Variants in UBE2H observed in about 807,000 individuals in gnomAD.
UBE2H encodes the protein ubiquitin conjugating enzyme E2 H, also known as ubiquitin-conjugating enzyme E2 H.
A neutral mutation model predicts 29.0 loss-of-function variants in UBE2H; 3 were observed. The observed-to-expected ratio is 0.10, with a 90% CI of 0.05 to 0.27. The LOEUF (loss-of-function observed/expected upper bound fraction) is 0.27. UBE2H is among the 10% of genes least tolerant of loss of function. UBE2H has a pLI of 1.00. For missense variants in UBE2H, 68 were observed against 228.2 expected (o/e 0.30, Z 4.52); for synonymous variants, 69 against 82.9 (o/e 0.83, Z 0.91).
At chr7:129,880,244 T>C (rs776052287) in intron 2 of UBE2H, among the ~76,000 whole-genome samples, 9 of 152,190 alleles carry the variant, frequency 5.9e-5, no homozygotes, top group Admixed American at 1.3e-4. Flanking sequence ...GTGGGGCTCA[T>C]GCCTGTAATC....
chr7:129,838,620 T>C (rs1805371815), intron 6 of UBE2H, among the ~76,000 whole-genome samples: 1 of 152,154 alleles, frequency 6.6e-6, no homozygotes, highest in Admixed American at 6.6e-5. Context: ...GAAAATCCAA[T>C]GAACCCAGGT....
chr7:129,949,779 A>G (rs991777401), intron 1 of UBE2H, among the ~76,000 whole-genome samples: 14 of 152,176 alleles, frequency 9.2e-5, no homozygotes, highest in Middle Eastern at 6.8e-3. Flanking sequence ...TTCCTACTAT[A>G]TAGGTTCCCT....
intron 1 of UBE2H, among the ~76,000 whole-genome samples, chr7:129,889,034 T>C (rs1200668873): frequency 1.3e-5 from 2 of 152,182 alleles, no homozygotes; most frequent in Non-Finnish European, 2.9e-5. Flanking sequence ...AGATTTAGTA[T>C]AGAACTGATT....
intron 1 of UBE2H, among the ~76,000 whole-genome samples, chr7:129,924,507 A>G (rs1386284799): frequency 6.6e-6 from 1 of 152,170 alleles, no homozygotes; most frequent in Non-Finnish European, 1.5e-5. Flanking sequence ...ATTTCTCTGC[A>G]AAGAGAATAA....
At position 129,832,687 on chromosome 7, in the gene UBE2H, C is replaced by A. The variant is rs554928328; in HGVS notation, c.*2250G>T. The A allele has an allele frequency of 7.9e-5, 12 of 152,228 alleles. No individual in the cohort carries two copies. The highest frequency in any genetic ancestry group is 2.9e-4 in the African/African-American group (12 of 41,522). 9.4% of individuals were successfully genotyped at this position (152,228 alleles called of 1,614,324 possible). On this transcript the variant is annotated 3_prime_UTR_variant, in exon 7 of 7. Transcript: ENST00000355621. Reference sequence around the variant, plus strand: ...CAGAGTCATGGCACTGCTCACACACCTTCCCGAAACTGGGGTCTATTCAGT... The same window carrying A: ...CAGAGTCATGGCACTGCTCACACACATTCCCGAAACTGGGGTCTATTCAGT...
chr7:129,890,275 G>A (rs1020272042), intron 1 of UBE2H, among the ~76,000 whole-genome samples: 3 of 150,310 alleles, frequency 2.0e-5, no homozygotes, highest in Admixed American at 2.0e-4. Context: ...ATATACACAC[G>A]TATATATATA....
intron 2 of UBE2H, 72 bp downstream of exon 2, chr7:129,880,823 G>T: frequency 7.2e-7 from 1 of 1,391,218 alleles, no homozygotes; most frequent in Non-Finnish European, 1.0e-6. Flanking sequence ...GCTACCATCT[G>T]TCTTTGATAT....
rs556164781 is a variant in UBE2H at position 129,948,443 on chromosome 7, C to T, written c.53+4060G>A. On this transcript the variant is annotated intron_variant, in intron 1 of 6. Transcript: ENST00000355621. ...CACCGTCCCTTTCTATCACACTTGA[C>T]GCTTTCTTAAGGGAAGCTGACATTT... Among the ~76,000 whole-genome samples the T allele has an allele frequency of 8.5e-5, 13 of 152,324 alleles. No homozygotes were observed. The South Asian group carries it at 2.1e-3, about 24-fold the overall frequency.
chr7:129,940,413 C>T (rs912640991), intron 1 of UBE2H, among the ~76,000 whole-genome samples: 7 of 152,136 alleles, frequency 4.6e-5, no homozygotes, highest in African/African-American at 1.7e-4. Flanking sequence ...AGAACAGGTG[C>T]CTTTTTTGAG....
At chr7:129,882,686 C>G (rs1584763251) in intron 1 of UBE2H, among the ~76,000 whole-genome samples, 1 of 152,162 alleles carries the variant, frequency 6.6e-6, no homozygotes, top group African/African-American at 2.4e-5. Flanking sequence ...CTTGCTTGGT[C>G]AAATGACACA....
At position 129,947,707 on chromosome 7, in the gene UBE2H, T is replaced by C. The variant is rs182578686; in HGVS notation, c.53+4796A>G. 1.6e-3 allele frequency among the ~76,000 whole-genome samples: 237 copies of C among 151,856 alleles called. 1 individual carries two copies. The highest frequency in any genetic ancestry group is 5.3e-3 in the African/African-American group (221 of 41,388). On this transcript the variant is annotated intron_variant, in intron 1 of 6. Coordinates refer to ENST00000355621, the MANE Select transcript of UBE2H (RefSeq NM_003344.4). ...AAATACAAGTTACTCAAAAAGGCAC[T>C]ACACACAGCAATGACCTAACACAGC...
intron 1 of UBE2H, among the ~76,000 whole-genome samples, chr7:129,933,528 T>C (rs1038180770): frequency 2.6e-5 from 4 of 152,206 alleles, no homozygotes; most frequent in Non-Finnish European, 1.5e-5. Context: ...CTCAACCATC[T>C]GAAAACGGCA....
Position 129,851,522 on chromosome 7 carries a change from C to T in UBE2H, c.298+5989G>A, listed in dbSNP as rs577703902. ...TGCAATTACAAGCCAAGTGTCCATA[C>T]GCTGGGAAGACTTTATAACTCAGTA... On this transcript the variant is annotated intron_variant, in intron 5 of 6. Coordinates refer to ENST00000355621, the MANE Select transcript of UBE2H (RefSeq NM_003344.4). 7.9e-5 allele frequency among the ~76,000 whole-genome samples: 12 copies of T among 152,268 alleles called. No homozygotes were observed. In the East Asian group the frequency reaches 9.6e-4, roughly 12 times the overall value.
intron 3 of UBE2H, among the ~76,000 whole-genome samples, chr7:129,877,553 T>C (rs1393366004): frequency 1.3e-5 from 2 of 152,162 alleles, no homozygotes; most frequent in East Asian, 1.9e-4. Context: ...TGTACAAATA[T>C]TTCAGCTAAA....
chr7:129,884,107 TA>T (rs1316549634), intron 1 of UBE2H, among the ~76,000 whole-genome samples: 2 of 147,632 alleles, frequency 1.4e-5, no homozygotes. Context: ...AAAAACTAAA[TA>T]AAAAAATAAT....
intron 1 of UBE2H, among the ~76,000 whole-genome samples, chr7:129,927,698 T>C (rs1459490107): frequency 2.0e-5 from 3 of 152,068 alleles, no homozygotes; most frequent in Admixed American, 2.0e-4. Flanking sequence ...TTACGTTAAG[T>C]AAAATAAAGC....
chr7:129,951,460 G>A (rs1807874301), intron 1 of UBE2H: 1 of 151,184 alleles, frequency 6.6e-6, no homozygotes, highest in Non-Finnish European at 1.5e-5. Flanking sequence ...AGAACTCTGG[G>A]CTCCCCCTAC....
intron 1 of UBE2H, among the ~76,000 whole-genome samples, chr7:129,885,588 T>C (rs966614642): frequency 6.6e-6 from 1 of 152,210 alleles, no homozygotes; most frequent in Non-Finnish European, 1.5e-5. Context: ...TCCCCAGTAA[T>C]AGCCCACATG....
intron 5 of UBE2H, among the ~76,000 whole-genome samples, chr7:129,839,906 C>CA (rs1805397740): frequency 6.6e-6 from 1 of 152,142 alleles, no homozygotes; most frequent in South Asian, 2.1e-4. Flanking sequence ...GACGGGGTTT[C>CA]ACCATGTTGG....
Sources: gnomAD v4.1 joint callset for allele counts (sites outside exome capture counted in the v4.1 genomes callset) on GRCh38, gnomAD v4.1.1 for gene constraint, MANE v1.5 for transcripts, NCBI Gene and HGNC (gene_info 2026-07-23, HGNC 2026-07-21) for gene names.